The following CSMD1 variants were observed in gnomAD, a reference collection of about 807,000 sequenced individuals.
CSMD1 encodes the protein CUB and Sushi multiple domains 1.
CSMD1 carries 213 observed loss-of-function variants against 417.5 expected under a neutral mutation model. The ratio of observed to expected loss-of-function variants is 0.51; its 90% CI spans 0.46 to 0.57. CSMD1 has a LOEUF of 0.57. Ranked by LOEUF, CSMD1 falls within the 20% of genes least tolerant of loss-of-function variation. The probability of loss-of-function intolerance (pLI) is 0.00; values close to 1 mark genes in which losing one functional copy is unlikely to be tolerated. For missense variants in CSMD1, 6,923 were observed against 4,529.7 expected, an observed-to-expected ratio of 1.53 and a Z score of -15.17; for synonymous variants, 2,862 against 1,736.8, an observed-to-expected ratio of 1.65 and a Z score of -16.11.
intron 1 of CSMD1, among the ~76,000 whole-genome samples, chr8:4,640,716 T>G (rs1359124241): frequency 2.6e-5 from 4 of 152,150 alleles, no homozygotes; most frequent in African/African-American, 9.7e-5. Flanking sequence ...TATTTCAACA[T>G]GTTGTTTAAC....
chr8:3,670,739 G>GTATGCATAGGGGATATA (rs1554506240), intron 7 of CSMD1, among the ~76,000 whole-genome samples: 4,447 of 14,200 alleles, frequency 0.31, 483 homozygotes, highest in Non-Finnish European at 0.36. Context: ...TGTATGGGAT[G>GTATGCATAGGGGATATA]TATGTATATG....
chr8:3,576,487 A>G lies in CSMD1; in HGVS notation c.1223-1421T>C, dbSNP rs1235317335. ...CCTAGACATGTGAAAATGGGACAAC[A>G]TAATTTGAGACAACTGTTCAGTTGC... On this transcript the variant is annotated intron_variant, in intron 9 of 69. Coordinates refer to ENST00000635120, the MANE Select transcript of CSMD1 (RefSeq NM_033225.6). Among the ~76,000 whole-genome samples, 3 of 152,288 alleles carry G rather than the reference A, an allele frequency of 2.0e-5. No homozygotes were observed. In the East Asian group the frequency reaches 5.8e-4, roughly 29 times the overall value.
intron 3 of CSMD1, among the ~76,000 whole-genome samples, chr8:4,303,392 T>C (rs1280547190): frequency 1.3e-5 from 2 of 150,068 alleles, no homozygotes; most frequent in Non-Finnish European, 3.0e-5. Context: ...TTTTTATTCA[T>C]TGTCTCATTT....
intron 43 of CSMD1, among the ~76,000 whole-genome samples, 165 bp from the exon 44 acceptor site, chr8:3,108,913 G>A (rs1012943584): frequency 6.6e-6 from 1 of 152,218 alleles, no homozygotes; most frequent in East Asian, 1.9e-4. Flanking sequence ...CCACAAAGTT[G>A]AGGAACCCTC....
At chr8:4,816,941 T>C (rs1436414514) in intron 1 of CSMD1, among the ~76,000 whole-genome samples, 5 of 152,074 alleles carry the variant, frequency 3.3e-5, no homozygotes, top group East Asian at 1.9e-4. Flanking sequence ...AGAAAGGGAA[T>C]TGCATTGAAG....
chr8:4,854,749 G>A (rs980754977), intron 1 of CSMD1, among the ~76,000 whole-genome samples: 1 of 152,312 alleles, frequency 6.6e-6, no homozygotes, highest in African/African-American at 2.4e-5. Flanking sequence ...CCCACACCTG[G>A]CTCGGAGGGT....
At chr8:4,643,563 C>T (rs909265864) in intron 1 of CSMD1, among the ~76,000 whole-genome samples, 3 of 151,924 alleles carry the variant, frequency 2.0e-5, no homozygotes, top group Non-Finnish European at 2.9e-5. Context: ...TGGTCCATTG[C>T]GATTTTCAGT....
intron 2 of CSMD1, among the ~76,000 whole-genome samples, chr8:4,603,969 T>A (rs773065339): frequency 7.0e-4 from 107 of 152,164 alleles, no homozygotes; most frequent in Non-Finnish European, 1.0e-3. Flanking sequence ...ATTTCTAAAT[T>A]ACAAATTGAC....
At chr8:4,938,833 T>C (rs552830634) in intron 1 of CSMD1, among the ~76,000 whole-genome samples, 4 of 152,338 alleles carry the variant, frequency 2.6e-5, no homozygotes, top group South Asian at 4.1e-4. Flanking sequence ...CCAAACATTA[T>C]TGAAACAGGT....
In CSMD1 at chr8:4,830,914, G is replaced by C. The variant is rs561549771; in HGVS notation, c.85+163418C>G. On this transcript the variant is annotated intron_variant, in intron 1 of 69. Coordinates refer to ENST00000635120, the MANE Select transcript of CSMD1 (RefSeq NM_033225.6). The stretch of plus-strand genomic sequence containing the variant: ...TAGAATAGAGTCTAATGAACTTTCA[G>C]TGAACTTCCTTATGTTACCCAGAAA... Among the ~76,000 whole-genome samples the C allele has an allele frequency of 2.6e-5, 4 of 152,280 alleles. No homozygotes were observed. In the South Asian group the frequency reaches 8.3e-4, roughly 32 times the overall value.
chr8:4,078,313 C>CTTTTTTTTTTTTT (rs34359373), intron 3 of CSMD1, among the ~76,000 whole-genome samples: 1 of 131,268 alleles, frequency 7.6e-6, no homozygotes, highest in African/African-American at 2.9e-5. Context: ...TGATATCCAA[C>CTTTTTTTTTTTTT]TTTTTTTTTT....
At chr8:3,956,659 C>A (rs1811969153) in intron 5 of CSMD1, among the ~76,000 whole-genome samples, 1 of 152,062 alleles carries the variant, frequency 6.6e-6, no homozygotes, top group Admixed American at 6.6e-5. Context: ...GATAAGACGA[C>A]TGAAAATTAT....
chr8:3,998,230 A>C, intron 4 of CSMD1, 120 bp from the exon 5 acceptor site: 1 of 761,260 alleles, frequency 1.3e-6, no homozygotes, highest in Non-Finnish European at 2.1e-6. Flanking sequence ...AAATTGAGAC[A>C]CTCAATCTGA....
At position 3,429,334 on chromosome 8, in the gene CSMD1, A is replaced by C. The variant is rs534677835; in HGVS notation, c.1562-19729T>G. Among the ~76,000 whole-genome samples the C allele has an allele frequency of 9.8e-5, 15 of 152,356 alleles. No individual in the cohort carries two copies. The South Asian group carries it at 2.9e-3, about 29-fold the overall frequency. On this transcript the variant is annotated intron_variant, in intron 12 of 69. Coordinates refer to ENST00000635120, the MANE Select transcript of CSMD1 (RefSeq NM_033225.6). ...ATGCTGAAGGAAATATAAAATGCAA[A>C]AATTATTTTGGGAAACAATTTGGTA...
intron 2 of CSMD1, among the ~76,000 whole-genome samples, chr8:4,530,457 A>G (rs1490127817): frequency 1.3e-5 from 2 of 150,388 alleles, no homozygotes; most frequent in African/African-American, 4.9e-5. Flanking sequence ...TAATCCCCAC[A>G]TGCATTAGGT....
chr8:4,756,364 T>C (rs1811666836), intron 1 of CSMD1, among the ~76,000 whole-genome samples: 1 of 152,164 alleles, frequency 6.6e-6, no homozygotes, highest in Non-Finnish European at 1.5e-5. Context: ...GCCATATTTT[T>C]AAAAGTAACA....
chr8:3,504,218 A>G (rs1585266828), intron 10 of CSMD1, among the ~76,000 whole-genome samples: 2 of 151,072 alleles, frequency 1.3e-5, no homozygotes, highest in African/African-American at 2.4e-5. Flanking sequence ...ATAAACAGGT[A>G]CAATTATTAT....
intron 46 of CSMD1, 96 bp from the exon 47 acceptor site, chr8:3,097,133 G>A: frequency 9.7e-7 from 1 of 1,026,772 alleles, no homozygotes; most frequent in Admixed American, 3.2e-5. Context: ...TCAATGAAAG[G>A]AAAAAGCAAT....
intron 5 of CSMD1, among the ~76,000 whole-genome samples, chr8:3,842,172 C>T (rs928438508): frequency 1.3e-5 from 2 of 152,138 alleles, no homozygotes. Flanking sequence ...CTTAAAAACT[C>T]GTTTTCCTAG....
Sources: allele counts gnomAD v4.1 joint callset (sites outside exome capture counted in the v4.1 genomes callset), GRCh38; gene constraint gnomAD v4.1.1; transcripts MANE v1.5; gene names NCBI Gene and HGNC (gene_info 2026-07-23, HGNC 2026-07-21).